MPP7: variants seen among roughly 807,000 people sequenced by gnomAD.
MPP7 encodes the protein MAGUK p55 subfamily member 7.
In MPP7, 60 loss-of-function variants were observed where a neutral mutation model predicts 76.5. That is an observed-to-expected ratio of 0.78 (90% CI 0.64 to 0.97). The LOEUF is 0.97. Ranked by LOEUF, MPP7 falls within the 50% of genes least tolerant of loss-of-function variation. The probability of loss-of-function intolerance (pLI) is 0.00; values close to 1 mark genes in which losing one functional copy is unlikely to be tolerated. For synonymous variants in MPP7, 237 were observed against 244.5 expected (o/e 0.97, Z 0.29); for missense variants, 641 against 694.0 (o/e 0.92, Z 0.86).
intron 1 of MPP7, among the ~76,000 whole-genome samples, chr10:28,290,814 C>T (rs1840900222): frequency 6.6e-6 from 1 of 152,198 alleles, no homozygotes; most frequent in Non-Finnish European, 1.5e-5. Context: ...TTTAGGAAAA[C>T]AGACTAACAC....
At chr10:28,139,684 G>A (rs527867278) in intron 5 of MPP7, among the ~76,000 whole-genome samples, 12 of 152,138 alleles carry the variant, frequency 7.9e-5, no homozygotes, top group Admixed American at 6.5e-5. Flanking sequence ...GAAAGTGCAC[G>A]GCAAAAAGGC....
intron 8 of MPP7, among the ~76,000 whole-genome samples, chr10:28,123,470 T>C (rs1347377992): frequency 1.4e-5 from 2 of 143,388 alleles, no homozygotes; most frequent in East Asian, 2.5e-4. Flanking sequence ...TTCTTTTTTT[T>C]TTTTTTTTTT....
chr10:28,069,174 T>C (rs1323517241), intron 13 of MPP7, among the ~76,000 whole-genome samples: 1 of 152,220 alleles, frequency 6.6e-6, no homozygotes, highest in Non-Finnish European at 1.5e-5. Context: ...ACAGGGTCAC[T>C]ATAGTCAATA....
chr10:28,311,976 A>T (rs1324482670), intron 2 of MPP7, among the ~76,000 whole-genome samples: 1 of 152,112 alleles, frequency 6.6e-6, no homozygotes, highest in Admixed American at 6.6e-5. Context: ...TTTTTCTGGC[A>T]TTGTGTCCAG....
At chr10:28,201,829 C>T (rs1784429861) in intron 3 of MPP7, among the ~76,000 whole-genome samples, 1 of 152,164 alleles carries the variant, frequency 6.6e-6, no homozygotes, top group African/African-American at 2.4e-5. Context: ...TTGCTGTGAA[C>T]ATTTATTTAA....
At position 28,140,323 on chromosome 10, in the gene MPP7, C is replaced by T. The variant is rs531886620; in HGVS notation, c.315+7160G>A. ...GTCAGAAGTTCGACACCAGCCTGGC[C>T]AAAATGGTGAAACCCCAATCTCTAC... On this transcript the variant is annotated intron_variant, in intron 5 of 16. Coordinates refer to ENST00000683449, the MANE Select transcript of MPP7 (RefSeq NM_001318170.2). 2.6e-5 allele frequency among the ~76,000 whole-genome samples: 4 copies of T among 152,160 alleles called. No individual in the cohort carries two copies. In the South Asian group the frequency reaches 8.3e-4, roughly 32 times the overall value.
chr10:28,176,864 G>C (rs10740783), intron 3 of MPP7, among the ~76,000 whole-genome samples: 123,645 of 136,286 alleles, frequency 0.91, 56,152 homozygotes, highest in South Asian at 0.94. Flanking sequence ...ACATCACACA[G>C]CGGAGCCTGT....
At chr10:28,061,740 A>G (rs936558611) in intron 13 of MPP7, among the ~76,000 whole-genome samples, 2 of 152,194 alleles carry the variant, frequency 1.3e-5, no homozygotes, top group Admixed American at 6.5e-5. Flanking sequence ...GCCTAGACAC[A>G]TTATAATCAA....
chr10:28,237,225 A>G (rs951022446), intron 2 of MPP7, among the ~76,000 whole-genome samples: 12 of 152,214 alleles, frequency 7.9e-5, no homozygotes, highest in African/African-American at 2.9e-4. Context: ...ACACGACTGT[A>G]GTAAATTTAT....
At chr10:28,163,842 C>G (rs1454453379) in intron 3 of MPP7, among the ~76,000 whole-genome samples, 1 of 146,808 alleles carries the variant, frequency 6.8e-6, no homozygotes, top group African/African-American at 2.5e-5. Flanking sequence ...ACCCAGGAGG[C>G]GGAGATCGCA....
chr10:28,224,305 A>C lies in MPP7; in HGVS notation c.37+14263T>G, dbSNP rs146255238. ...CAGTTAACAACTAGAAGAAAAAACT[A>C]ACGTGCTTAACAACATATTACACTT... On this transcript the variant is annotated intron_variant, in intron 2 of 16. Coordinates refer to ENST00000683449, the MANE Select transcript of MPP7 (RefSeq NM_001318170.2). 4.4e-4 allele frequency among the ~76,000 whole-genome samples: 67 copies of C among 152,312 alleles called. No homozygotes were observed. The East Asian group carries it at 9.4e-3, about 21-fold the overall frequency.
At chr10:28,315,393 G>C (rs1397859175) in intron 2 of MPP7, among the ~76,000 whole-genome samples, 1 of 151,868 alleles carries the variant, frequency 6.6e-6, no homozygotes. Context: ...AGGGAGGGAA[G>C]GTTGACCCAC....
intron 1 of MPP7, among the ~76,000 whole-genome samples, chr10:28,255,812 A>G (rs1839766575): frequency 6.6e-6 from 1 of 152,218 alleles, no homozygotes; most frequent in Admixed American, 6.5e-5. Context: ...ATGAGGATCC[A>G]GGAGCACTCT....
At chr10:28,165,653 G>A (rs1454286144) in intron 3 of MPP7, among the ~76,000 whole-genome samples, 5 of 152,042 alleles carry the variant, frequency 3.3e-5, no homozygotes, top group Non-Finnish European at 7.4e-5. Flanking sequence ...GAAAAAACAT[G>A]GGCATGACAT....
At chr10:28,081,204 A>C (rs117456534) in intron 12 of MPP7, among the ~76,000 whole-genome samples, 1 of 152,220 alleles carries the variant, frequency 6.6e-6, no homozygotes, top group Non-Finnish European at 1.5e-5. Context: ...AAATTGTCTG[A>C]ATATCCACAA....
chr10:28,125,549 T>C (rs1386478904), intron 6 of MPP7, among the ~76,000 whole-genome samples: 1 of 152,114 alleles, frequency 6.6e-6, no homozygotes, highest in African/African-American at 2.4e-5. Context: ...ATCATTTGAC[T>C]TTTAGTTAGT....
intron 3 of MPP7, among the ~76,000 whole-genome samples, chr10:28,194,218 G>A (rs919186044): frequency 1.3e-5 from 2 of 152,074 alleles, no homozygotes; most frequent in Admixed American, 6.5e-5. Flanking sequence ...GTTTCACCAT[G>A]TTGGCCAGAA....
chr10:28,262,225 A>ATTTTTTTTTTTTTTT (rs1839992812), intron 1 of MPP7, among the ~76,000 whole-genome samples: 3 of 23,638 alleles, frequency 1.3e-4, no homozygotes, highest in African/African-American at 1.7e-4. Flanking sequence ...ATATATATAT[A>ATTTTTTTTTTTTTTT]CATATATATA....
chr10:28,225,068 C>G (rs1340936185), intron 2 of MPP7, among the ~76,000 whole-genome samples: 1 of 152,036 alleles, frequency 6.6e-6, no homozygotes, highest in Non-Finnish European at 1.5e-5. Flanking sequence ...CTGGTAGTCA[C>G]TAAATGCAGA....
Sources: allele counts gnomAD v4.1 joint callset (sites outside exome capture counted in the v4.1 genomes callset), GRCh38; gene constraint gnomAD v4.1.1; transcripts MANE v1.5; gene names NCBI Gene and HGNC (gene_info 2026-07-23, HGNC 2026-07-21).